The following LIPA variants were observed in gnomAD, a reference collection of about 807,000 sequenced individuals.
LIPA encodes lysosomal acid lipase/cholesteryl ester hydrolase.
Under a neutral mutation model 40.6 loss-of-function variants are expected in LIPA, and 26 were observed. That is an observed-to-expected ratio of 0.64 (90% confidence interval 0.47 to 0.89). The LOEUF is 0.89. Ranked by LOEUF, LIPA falls within the 40% of genes least tolerant of loss-of-function variation. The pLI is 0.00. For missense variants in LIPA, 455 were observed against 479.6 expected, an observed-to-expected ratio of 0.95 and a Z score of 0.48; for synonymous variants, 188 against 168.4, an observed-to-expected ratio of 1.12 and a Z score of -0.90.
rs1589573225 is a variant in LIPA at position 89,247,641 on chromosome 10, A to C, written c.8T>G (p.Met3Arg). 1.9e-6 allele frequency: 3 copies of C among 1,603,716 alleles called. No individual in the cohort carries two copies. Among genetic ancestry groups the C allele is most frequent in the Non-Finnish European group, 2.6e-6 (3 of 1,170,726 alleles). Residue 3 changes from methionine (M) to arginine (R), a missense_variant, in exon 2 of 10, where the codon ATG (methionine) becomes AGG (arginine). By Grantham distance (91) the Met-to-Arg change is moderately conservative. Transcript: ENST00000336233. MKMRFLGLVVCLV... is the reference protein window; with the variant it reads MKRRFLGLVVCLV... ...ACAGACCACCAACCCCAAGAACCGC[A>C]TTTTCATTCTGTATAATAAAACAGT... is the stretch of plus-strand genomic sequence containing the variant.
chr10:89,225,848 G>A (rs1007777424), intron 5 of LIPA, among the ~76,000 whole-genome samples: 9 of 152,092 alleles, frequency 5.9e-5, no homozygotes, highest in African/African-American at 2.2e-4. Flanking sequence ...TAAGTCTCTT[G>A]AGATTTGATG....
intron 2 of LIPA, among the ~76,000 whole-genome samples, chr10:89,389,075 C>G (rs1232889410): frequency 6.6e-6 from 1 of 152,046 alleles, no homozygotes; most frequent in Non-Finnish European, 1.5e-5. Context: ...TTACATTCCT[C>G]AGAAAATAGG....
rs942744306 is a variant in LIPA, at chr10:89,307,477, T to C, written c.-2+35134A>G. On this transcript the variant is annotated intron_variant, in intron 1 of 5. Coordinates refer to the LIPA transcript ENST00000282673. The stretch of plus-strand genomic sequence containing the variant: ...ATGTAATGACTGGTATGGCAAAAGA[T>C]TGGACTAAGACACTGGCCATACCAC... The C allele has an allele frequency of 1.5e-4, 139 of 947,700 alleles. 1 individual carries two copies. In the African/African-American group the frequency reaches 1.6e-3, roughly 11 times the overall value. 58.7% of individuals were successfully genotyped at this position (947,700 alleles called of 1,614,324 possible). A position where few individuals can be genotyped will look rare whatever the true frequency, so the allele number is the denominator to read the frequency against.
chr10:89,292,750 C>T (rs1843381854), intron 1 of LIPA, among the ~76,000 whole-genome samples: 2 of 151,960 alleles, frequency 1.3e-5, no homozygotes, highest in Non-Finnish European at 2.9e-5. Flanking sequence ...CCTCAAACTC[C>T]TGGGCTAAAG....
chr10:89,377,956 G>A (rs1844134368), intron 2 of LIPA: 2 of 594,230 alleles, frequency 3.4e-6, no homozygotes, highest in East Asian at 5.7e-5. Context: ...CTATTCCTCT[G>A]TATCATTTTC....
chr10:89,413,776 A>AC (rs1564815938), intron 1 of LIPA, among the ~76,000 whole-genome samples: 1 of 149,338 alleles, frequency 6.7e-6, no homozygotes, highest in African/African-American at 2.5e-5. Context: ...CAAAAAAAAA[A>AC]AAAAAACCAA....
chr10:89,311,785 G>T (rs887793021), intron 1 of LIPA, among the ~76,000 whole-genome samples: 2 of 152,200 alleles, frequency 1.3e-5, no homozygotes, highest in African/African-American at 4.8e-5. Flanking sequence ...AGCAATGTAT[G>T]AGAAATACTG....
intron 2 of LIPA, among the ~76,000 whole-genome samples, chr10:89,370,213 T>C (rs1017076839): frequency 4.6e-5 from 7 of 152,036 alleles, no homozygotes; most frequent in African/African-American, 1.7e-4. Context: ...GAATGTTTTC[T>C]TTTTTTGTTT....
chr10:89,251,948 C>T, upstream of LIPA: 1 of 153,308 alleles, frequency 6.5e-6, no homozygotes, highest in Non-Finnish European at 1.5e-5. Flanking sequence ...CGCTTGCCAG[C>T]CCCCCAGTTG....
At chr10:89,322,321 A>C (rs1843576299) in intron 1 of LIPA, among the ~76,000 whole-genome samples, 1 of 152,150 alleles carries the variant, frequency 6.6e-6, no homozygotes, top group Admixed American at 6.5e-5. Context: ...GTGAGCATTG[A>C]CCCTGCAGGC....
At chr10:89,306,253 CTA>C in intron 1 of LIPA, 1 of 1,614,146 alleles carries the variant, frequency 6.2e-7, no homozygotes, top group Non-Finnish European at 8.5e-7. Context: ...CCTGGGGAAA[CTA>C]TGCCTGGGTC....
intron 1 of LIPA, among the ~76,000 whole-genome samples, chr10:89,276,410 A>G (rs751952447): frequency 2.6e-5 from 4 of 152,258 alleles, no homozygotes; most frequent in African/African-American, 4.8e-5. Flanking sequence ...GCTCTTTAAC[A>G]GCAGATAGAC....
intron 2 of LIPA, chr10:89,383,380 T>C (rs1413562803): frequency 1.2e-6 from 2 of 1,614,206 alleles, no homozygotes; most frequent in East Asian, 2.2e-5. Flanking sequence ...TCACTTTACA[T>C]GGAAGTTGTT....
At chr10:89,347,638 A>C (rs756149565), upstream of LIPA, among the ~76,000 whole-genome samples, 3 of 152,192 alleles carry the variant, frequency 2.0e-5, no homozygotes, top group Non-Finnish European at 2.9e-5. Flanking sequence ...GTTTTTTCCA[A>C]TACATTCAGT....
Position 89,394,604 on chromosome 10 carries a change from ATATATATATATATATATATATAT to A in LIPA, c.61+18164_61+18186del, listed in dbSNP as rs374680176. On this transcript the variant is annotated intron_variant, in intron 2 of 8. Transcript: ENST00000371837. ...TATATATATATATATATATATATAT[ATATATATATATATATATATATAT>A]AAAACTTGAATTTTATTCAGGTTAG... 1.5e-4 allele frequency among the ~76,000 whole-genome samples: 7 copies of A among 48,134 alleles called. 1 individual carries two copies. The highest frequency in any genetic ancestry group is 4.1e-4 in the Admixed American group (2 of 4,926). 31.6% of individuals were successfully genotyped at this position (48,134 alleles called of 152,430 possible). A position where few individuals can be genotyped will look rare whatever the true frequency, so the allele number is the denominator to read the frequency against.
At chr10:89,238,414 G>A (rs1021019430) in intron 3 of LIPA, among the ~76,000 whole-genome samples, 6 of 152,178 alleles carry the variant, frequency 3.9e-5, no homozygotes, top group African/African-American at 9.7e-5. Flanking sequence ...CAACACTGAC[G>A]CTTCTATGAC....
intron 2 of LIPA, among the ~76,000 whole-genome samples, chr10:89,247,243 A>G (rs982969649): frequency 5.3e-4 from 80 of 151,976 alleles, no homozygotes; most frequent in African/African-American, 1.8e-3. Flanking sequence ...ATGGTGGTGC[A>G]TGCCTGTAGT....
intron 2 of LIPA, among the ~76,000 whole-genome samples, chr10:89,391,309 G>T (rs1337842236): frequency 6.6e-6 from 1 of 152,074 alleles, no homozygotes; most frequent in Non-Finnish European, 1.5e-5. Context: ...TACCTCCTGG[G>T]CTCAAGTGAG....
intron 6 of LIPA, 63 bp from the exon 7 acceptor site, chr10:89,223,893 G>A: frequency 6.4e-7 from 1 of 1,551,348 alleles, no homozygotes; most frequent in Non-Finnish European, 8.9e-7. Flanking sequence ...AAGTCTCCGT[G>A]ACTCACCTCA....
Sources: gnomAD v4.1 joint callset for allele counts (sites outside exome capture counted in the v4.1 genomes callset) on GRCh38, gnomAD v4.1.1 for gene constraint, MANE v1.5 for transcripts, NCBI Gene and HGNC (gene_info 2026-07-23, HGNC 2026-07-21) for gene names.